The following LURAP1L variants were observed in gnomAD, a reference collection of about 807,000 sequenced individuals.
LURAP1L encodes leucine rich adaptor protein 1 like, also known as leucine rich adaptor protein 1-like.
Under a neutral mutation model 13.8 loss-of-function variants are expected in LURAP1L, and 12 were observed. That is an observed-to-expected ratio of 0.87 (90% CI 0.56 to 1.41). LURAP1L has a LOEUF of 1.41. Ranked by LOEUF, LURAP1L falls within the 40% of genes most tolerant of loss-of-function variation. The pLI is 0.00. For missense variants in LURAP1L, 375 were observed against 292.9 expected (o/e 1.28, Z -2.04); for synonymous variants, 139 against 119.2 (o/e 1.17, Z -1.08).
chr9:12,776,285 G>C (rs1819182228), intron 1 of LURAP1L, among the ~76,000 whole-genome samples: 1 of 152,128 alleles, frequency 6.6e-6, no homozygotes, highest in African/African-American at 2.4e-5. Flanking sequence ...TGTACTTTCG[G>C]ACAACGCGAC....
Position 12,775,931 on chromosome 9 carries a change from C to T in LURAP1L, c.216C>T (p.Ser72=). 3 of 1,576,942 alleles carry T rather than the reference C, an allele frequency of 1.9e-6. No individual in the cohort carries two copies. Among genetic ancestry groups the T allele is most frequent in the Non-Finnish European group, 2.6e-6 (3 of 1,161,420 alleles). The change falls in exon 1 of 2, where the codon TCC becomes TCT. Residue 72 remains serine (S), a synonymous_variant. Coordinates refer to ENST00000319264, the MANE Select transcript of LURAP1L (RefSeq NM_203403.2). ...GCTTCCCTCCCTCCTTGTCGTCCTCCTCTTCGTCCTCCCCAACCTCTGGCT... is the reference window on the plus strand; with the variant it reads ...GCTTCCCTCCCTCCTTGTCGTCCTCTTCTTCGTCCTCCCCAACCTCTGGCT... ...YCSFPPSLSS[S]SSSSPTSGSP...
intron 1 of LURAP1L, among the ~76,000 whole-genome samples, chr9:12,792,430 A>T (rs1388913330): frequency 6.6e-6 from 1 of 152,140 alleles, no homozygotes; most frequent in Non-Finnish European, 1.5e-5. Context: ...TGTGTGCCAC[A>T]TCTTCTCTCC....
At chr9:12,789,715 T>C (rs1241537063) in intron 1 of LURAP1L, among the ~76,000 whole-genome samples, 1 of 152,192 alleles carries the variant, frequency 6.6e-6, no homozygotes, top group East Asian at 1.9e-4. Flanking sequence ...TACAGTTTCT[T>C]CATAGGGCAT....
At chr9:12,785,335 T>A (rs1205111620) in intron 1 of LURAP1L, among the ~76,000 whole-genome samples, 1 of 151,528 alleles carries the variant, frequency 6.6e-6, no homozygotes, top group African/African-American at 2.4e-5. Context: ...GGGGAGGGGG[T>A]GACACAAGCA....
At chr9:12,809,082 T>G (rs888542040) in intron 1 of LURAP1L, among the ~76,000 whole-genome samples, 1 of 152,068 alleles carries the variant, frequency 6.6e-6, no homozygotes, top group Non-Finnish European at 1.5e-5. Flanking sequence ...CCACATTCTT[T>G]TAAACAACCA....
At chr9:12,780,944 A>G (rs760564354) in intron 1 of LURAP1L, among the ~76,000 whole-genome samples, 6 of 152,026 alleles carry the variant, frequency 3.9e-5, no homozygotes, top group Non-Finnish European at 8.8e-5. Flanking sequence ...AAACATTCCA[A>G]ATATACTCTT....
intron 1 of LURAP1L, among the ~76,000 whole-genome samples, chr9:12,794,421 C>T (rs1365846108): frequency 6.6e-6 from 1 of 151,778 alleles, no homozygotes; most frequent in African/African-American, 2.4e-5. Context: ...AAAAACTTAC[C>T]CTCTACATGA....
chr9:12,818,130 TAAAAA>T (rs35502818), intron 1 of LURAP1L, among the ~76,000 whole-genome samples: 9 of 119,092 alleles, frequency 7.6e-5, no homozygotes, highest in East Asian at 4.7e-4. Flanking sequence ...TTGCTTCCAC[TAAAAA>T]AAAAAAAAAA....
In LURAP1L at chr9:12,775,889, C is replaced by T. The variant is rs753943046; in HGVS notation, c.174C>T (p.Ser58=). The T allele has an allele frequency of 1.3e-5, 20 of 1,569,964 alleles. No homozygotes were observed. Among genetic ancestry groups the T allele is most frequent in the East Asian group, 9.5e-5 (4 of 42,188 alleles). ...GCGGCGGCGGCGGCGGCTGCAGTAG[C>T]AGCAGCAGCTACTGCAGCTTCCCTC... The part of the protein sequence containing the change: ...GGGGGGGGCS[S]SSSYCSFPPS... The change falls in exon 1 of 2, where the codon AGC becomes AGT. Residue 58 remains serine (S), a synonymous_variant. Coordinates refer to ENST00000319264, the MANE Select transcript of LURAP1L (RefSeq NM_203403.2).
intron 1 of LURAP1L, among the ~76,000 whole-genome samples, chr9:12,811,113 C>T (rs1209248258): frequency 6.6e-6 from 1 of 152,108 alleles, no homozygotes; most frequent in Non-Finnish European, 1.5e-5. Flanking sequence ...TATTACCATC[C>T]TAATCACCTC....
intron 1 of LURAP1L, among the ~76,000 whole-genome samples, chr9:12,819,519 G>C (rs1313386791): frequency 2.0e-5 from 3 of 152,132 alleles, no homozygotes; most frequent in African/African-American, 4.8e-5. Flanking sequence ...CTTCCTTACA[G>C]TTTGAGTCAT....
At position 12,775,872 on chromosome 9, in the gene LURAP1L, G is replaced by GGCGGCGGCA. The variant is rs757788448; in HGVS notation, c.165_166insAGCGGCGGC (p.Gly55_Cys56insSerGlyGly). The stretch of plus-strand genomic sequence containing the variant: ...GGGGAGCGGTGGTGGTGGCGGCGGC[G>GGCGGCGGCA]GCGGCGGCTGCAGTAGCAGCAGCAG... On this transcript the variant is annotated inframe_insertion, in exon 1 of 2. Transcript: ENST00000319264. The GGCGGCGGCA allele has an allele frequency of 4.4e-6, 7 of 1,579,154 alleles. No homozygotes were observed. In the Admixed American group the frequency reaches 1.3e-4, roughly 30 times the overall value.
chr9:12,812,102 A>T (rs1304346054), intron 1 of LURAP1L, among the ~76,000 whole-genome samples: 1 of 152,196 alleles, frequency 6.6e-6, no homozygotes, highest in Non-Finnish European at 1.5e-5. Flanking sequence ...AGAAGCCACA[A>T]TCTTTTTGTA....
At chr9:12,792,260 A>C (rs988577364) in intron 1 of LURAP1L, among the ~76,000 whole-genome samples, 2 of 152,162 alleles carry the variant, frequency 1.3e-5, no homozygotes, top group Non-Finnish European at 2.9e-5. Flanking sequence ...GTATGGAAGC[A>C]AGAATTCTGA....
At chr9:12,801,673 G>A (rs1330449411) in intron 1 of LURAP1L, among the ~76,000 whole-genome samples, 1 of 152,162 alleles carries the variant, frequency 6.6e-6, no homozygotes, top group African/African-American at 2.4e-5. Context: ...GCATCTGAAA[G>A]TCATGTGACA....
chr9:12,811,579 T>C (rs1362695388), intron 1 of LURAP1L, among the ~76,000 whole-genome samples: 1 of 152,202 alleles, frequency 6.6e-6, no homozygotes, highest in Non-Finnish European at 1.5e-5. Flanking sequence ...ACTCTATTTG[T>C]TCCTTTTATT....
intron 1 of LURAP1L, among the ~76,000 whole-genome samples, chr9:12,779,250 G>A (rs145851827): frequency 3.6e-5 from 5 of 139,598 alleles, no homozygotes; most frequent in Admixed American, 1.5e-4. Flanking sequence ...GTATTATCCC[G>A]TTGAAATCTT....
intron 1 of LURAP1L, among the ~76,000 whole-genome samples, chr9:12,778,556 A>G (rs1337806143): frequency 2.0e-5 from 3 of 152,196 alleles, no homozygotes; most frequent in Non-Finnish European, 4.4e-5. Flanking sequence ...CCCTACATGG[A>G]TAATGTGGAT....
chr9:12,822,074 G>T lies in LURAP1L; in HGVS notation c.*314G>T. 4.4e-6 allele frequency: 1 copy of T among 226,508 alleles called. No individual in the cohort carries two copies. The highest frequency in any genetic ancestry group is 1.2e-4 in the South Asian group (1 of 8,486). The allele number at this position is 226,508 out of a possible 1,614,324, so 14.0% of individuals were successfully genotyped here. ...TTTTGTTTTCAGAGCAATGGGTCAG[G>T]GATTACAAGAAAAACTTTGCTAAAT... On this transcript the variant is annotated 3_prime_UTR_variant, in exon 2 of 2. Transcript: ENST00000319264.
Sources: allele counts gnomAD v4.1 joint callset (sites outside exome capture counted in the v4.1 genomes callset), GRCh38; gene constraint gnomAD v4.1.1; transcripts MANE v1.5; gene names NCBI Gene and HGNC (gene_info 2026-07-23, HGNC 2026-07-21).